SUGCT: variants seen among roughly 807,000 people sequenced by gnomAD.
SUGCT encodes the protein succinyl-CoA:glutarate-CoA transferase, also known as succinyl-CoA:glutarate CoA-transferase.
A neutral mutation model predicts 55.0 loss-of-function variants in SUGCT; 41 were observed. That is an observed-to-expected ratio of 0.74 (90% CI 0.58 to 0.97). SUGCT has a LOEUF of 0.97. SUGCT is among the 50% of genes least tolerant of loss of function. The pLI, the probability that SUGCT is intolerant of heterozygous loss-of-function variation, is 0.00. For synonymous variants in SUGCT, 187 were observed against 200.4 expected (o/e 0.93, Z 0.56); for missense variants, 568 against 547.8 (o/e 1.04, Z -0.37).
intron 1 of SUGCT, among the ~76,000 whole-genome samples, chr7:40,169,237 C>T (rs995397917): frequency 1.3e-5 from 2 of 152,096 alleles, no homozygotes; most frequent in African/African-American, 4.8e-5. Context: ...AATTAGAAAG[C>T]CATGTGAAAA....
chr7:40,335,475 G>C (rs1388410908), intron 9 of SUGCT, among the ~76,000 whole-genome samples: 1 of 151,868 alleles, frequency 6.6e-6, no homozygotes, highest in Non-Finnish European at 1.5e-5. Context: ...TCCCTTGTAA[G>C]TTGGATTCCT....
intron 12 of SUGCT, among the ~76,000 whole-genome samples, chr7:40,742,436 G>A (rs1046034533): frequency 1.3e-5 from 2 of 152,034 alleles, no homozygotes; most frequent in African/African-American, 2.4e-5. Context: ...TGATTCAAGG[G>A]TATTACATTT....
At chr7:40,705,771 C>T (rs548209110) in intron 12 of SUGCT, among the ~76,000 whole-genome samples, 3 of 152,082 alleles carry the variant, frequency 2.0e-5, no homozygotes, top group Non-Finnish European at 4.4e-5. Flanking sequence ...GACATTTATC[C>T]CTGGATTTTA....
At chr7:40,358,844 G>A (rs1798007562) in intron 9 of SUGCT, among the ~76,000 whole-genome samples, 1 of 152,176 alleles carries the variant, frequency 6.6e-6, no homozygotes. Flanking sequence ...CCAGGAGGAT[G>A]AGCTCCATGT....
intron 7 of SUGCT, among the ~76,000 whole-genome samples, chr7:40,257,939 T>C (rs935136310): frequency 1.3e-4 from 20 of 152,132 alleles, no homozygotes; most frequent in African/African-American, 4.8e-4. Flanking sequence ...TAGATTGGGA[T>C]AATGGTTTTA....
At chr7:40,951,586 C>A in the SUGCT span, among the ~76,000 whole-genome samples, 1 of 151,940 alleles carries the variant, frequency 6.6e-6, no homozygotes, top group Non-Finnish European at 1.5e-5. Flanking sequence ...CTCTTGTGGG[C>A]ATTTAGTGCT....
At chr7:40,310,254 T>C (rs1419174492) in intron 8 of SUGCT, among the ~76,000 whole-genome samples, 1 of 152,224 alleles carries the variant, frequency 6.6e-6, no homozygotes, top group Non-Finnish European at 1.5e-5. Flanking sequence ...TCCAGTCTAA[T>C]TATGAGTAAA....
chr7:40,868,862 G>A, the SUGCT span, among the ~76,000 whole-genome samples: 1 of 152,158 alleles, frequency 6.6e-6, no homozygotes, highest in East Asian at 1.9e-4. Flanking sequence ...GCTATGACTT[G>A]CTTTTTAAAA....
At chr7:40,902,281 TA>T in the SUGCT span, among the ~76,000 whole-genome samples, 1 of 152,028 alleles carries the variant, frequency 6.6e-6, no homozygotes, top group Non-Finnish European at 1.5e-5. Flanking sequence ...ATTTTTCAAT[TA>T]AAAAAATCAA....
At chr7:40,789,863 CCA>C (rs1462198404) in intron 13 of SUGCT, among the ~76,000 whole-genome samples, 1 of 152,086 alleles carries the variant, frequency 6.6e-6, no homozygotes, top group East Asian at 1.9e-4. Context: ...AGTGTGATTT[CCA>C]CAGTTAACAA....
At chr7:40,996,115 T>G in the SUGCT span, among the ~76,000 whole-genome samples, 5 of 152,240 alleles carry the variant, frequency 3.3e-5, no homozygotes, top group Non-Finnish European at 7.3e-5. Context: ...TCAACATTTT[T>G]GGAATGAATG....
At chr7:40,224,101 A>G (rs564950399) in intron 6 of SUGCT, among the ~76,000 whole-genome samples, 22 of 152,242 alleles carry the variant, frequency 1.4e-4, no homozygotes, top group African/African-American at 5.3e-4. Context: ...TGTCATTTGA[A>G]ATTTGATTTT....
chr7:40,292,940 A>G (rs62456135), intron 8 of SUGCT, among the ~76,000 whole-genome samples: 2,804 of 152,232 alleles, frequency 0.018, 38 homozygotes, highest in Non-Finnish European at 0.026. Context: ...ATTGGTATGT[A>G]ACGTCATGAA....
chr7:40,492,113 A>T (rs1791717085), intron 11 of SUGCT, among the ~76,000 whole-genome samples: 1 of 152,204 alleles, frequency 6.6e-6, no homozygotes, highest in Non-Finnish European at 1.5e-5. Context: ...TGTGACAACC[A>T]TGAAAAGAAT....
At chr7:40,605,016 G>A (rs1015376696) in intron 12 of SUGCT, among the ~76,000 whole-genome samples, 2 of 152,228 alleles carry the variant, frequency 1.3e-5, no homozygotes, top group Admixed American at 6.5e-5. Context: ...ATTGGGGGCT[G>A]TGTGCCCTCT....
chr7:41,031,069 T>G, the SUGCT span, among the ~76,000 whole-genome samples: 12 of 152,150 alleles, frequency 7.9e-5, no homozygotes, highest in African/African-American at 2.9e-4. Context: ...TCAAGTGATC[T>G]TCCCACTTCA....
At chr7:40,753,038 A>G (rs1788093119) in intron 13 of SUGCT, among the ~76,000 whole-genome samples, 1 of 152,204 alleles carries the variant, frequency 6.6e-6, no homozygotes, top group Non-Finnish European at 1.5e-5. Context: ...GCACATCTGA[A>G]TTCCTCATGA....
At chr7:40,567,286 G>A (rs142408612) in intron 12 of SUGCT, among the ~76,000 whole-genome samples, 3 of 152,316 alleles carry the variant, frequency 2.0e-5, no homozygotes, top group African/African-American at 7.2e-5. Flanking sequence ...TTTGACTATG[G>A]TTTACATGTA....
At chr7:40,722,884 T>G (rs190419059) in intron 12 of SUGCT, among the ~76,000 whole-genome samples, 19 of 152,316 alleles carry the variant, frequency 1.2e-4, no homozygotes, top group Non-Finnish European at 2.2e-4. Context: ...TAACATTATT[T>G]ATAAACCCTA....
Sources: allele counts gnomAD v4.1 joint callset (sites outside exome capture counted in the v4.1 genomes callset), GRCh38; gene constraint gnomAD v4.1.1; transcripts MANE v1.5; gene names NCBI Gene and HGNC (gene_info 2026-07-23, HGNC 2026-07-21).